USP39: variants seen among roughly 807,000 people sequenced by gnomAD.
USP39 encodes ubiquitin specific peptidase 39, also known as ubiquitin carboxyl-terminal hydrolase 39.
A neutral mutation model predicts 66.4 loss-of-function variants in USP39; 38 were observed. That is an observed-to-expected ratio of 0.57 (90% confidence interval 0.44 to 0.75). The LOEUF (loss-of-function observed/expected upper bound fraction) is 0.75, where lower values mean the gene tolerates loss of function less well. Ranked by LOEUF, USP39 falls within the 30% of genes least tolerant of loss-of-function variation. The pLI, the probability that USP39 is intolerant of heterozygous loss-of-function variation, is 0.00. For missense variants in USP39, 608 were observed against 714.4 expected (o/e 0.85, Z 1.70); for synonymous variants, 303 against 274.6 (o/e 1.10, Z -1.02).
intron 3 of USP39, among the ~76,000 whole-genome samples, chr2:85,622,970 T>C (rs1674575635): frequency 6.6e-6 from 1 of 152,158 alleles, no homozygotes; most frequent in Admixed American, 6.5e-5. Context: ...TTCTGTTAGA[T>C]CATAAAGATT....
intron 5 of USP39, among the ~76,000 whole-genome samples, chr2:85,627,442 C>G (rs139407032): frequency 1.3e-5 from 2 of 151,648 alleles, no homozygotes; most frequent in Non-Finnish European, 2.9e-5. Flanking sequence ...AATCCTACTT[C>G]ACCAAGAAAA....
chr2:85,624,713 C>G (rs1674714972), intron 4 of USP39, among the ~76,000 whole-genome samples: 1 of 152,098 alleles, frequency 6.6e-6, no homozygotes. Context: ...CCTGTAATCC[C>G]AGCACTTTGG....
At chr2:85,616,137 T>C, upstream of USP39, 1 of 1,402,904 alleles carries the variant, frequency 7.1e-7, no homozygotes, top group Non-Finnish European at 9.3e-7. Context: ...TGATTGGCCT[T>C]GTGCCGCGCG....
upstream of USP39, chr2:85,611,757 G>T (rs749255195): frequency 7.4e-6 from 12 of 1,611,796 alleles, no homozygotes; most frequent in Non-Finnish European, 9.3e-6. Context: ...CTCCTTGGCC[G>T]CCTGCTTCAC....
intron 6 of USP39, among the ~76,000 whole-genome samples, chr2:85,633,258 C>G (rs960510550): frequency 3.3e-5 from 5 of 151,984 alleles, no homozygotes; most frequent in Non-Finnish European, 5.9e-5. Flanking sequence ...GTAGCTGGGA[C>G]TACAGGCACC....
Position 85,630,672 on chromosome 2 carries a change from AG to A in USP39, c.724-45del, listed in dbSNP as rs768823207. ...ACTTTAATTGGAAGAGCTTGGCTCA[AG>A]GGGTCCTACAAAGGGGCTTTGGGTT... is the stretch of plus-strand genomic sequence containing the variant. On this transcript the variant is annotated intron_variant, in intron 5 of 12. Coordinates refer to ENST00000323701, the MANE Select transcript of USP39 (RefSeq NM_006590.4). 4 of 1,560,608 alleles carry A rather than the reference AG, an allele frequency of 2.6e-6. No individual in the cohort carries two copies. The South Asian group carries it at 4.5e-5, about 18-fold the overall frequency.
At chr2:85,613,427 G>T (rs773184324), upstream of USP39, among the ~76,000 whole-genome samples, 1 of 152,152 alleles carries the variant, frequency 6.6e-6, no homozygotes, top group South Asian at 2.1e-4. Context: ...CAGGAGAATC[G>T]CTTGAACCCG....
At chr2:85,611,343 G>A (rs886913913), upstream of USP39, 2 of 1,439,208 alleles carry the variant, frequency 1.4e-6, no homozygotes, top group South Asian at 1.5e-5. Flanking sequence ...ATTATGTGCT[G>A]GTCGCTCATC....
chr2:85,634,656 G>C (rs1458319031), intron 6 of USP39, among the ~76,000 whole-genome samples: 1 of 152,220 alleles, frequency 6.6e-6, no homozygotes. Context: ...TAATTCCCAA[G>C]AACTAGGTGG....
intron 3 of USP39, among the ~76,000 whole-genome samples, chr2:85,622,328 G>C (rs979722522): frequency 6.6e-6 from 1 of 151,378 alleles, no homozygotes; most frequent in Non-Finnish European, 1.5e-5. Context: ...TCACCATATT[G>C]GCCACACTGG....
chr2:85,611,790 C>CG (rs1673550644), upstream of USP39: 1 of 1,610,980 alleles, frequency 6.2e-7, no homozygotes, highest in African/African-American at 1.3e-5. Context: ...GTCGTCCCTG[C>CG]GGGGAGCCGA....
At chr2:85,610,714 T>A (rs1315320613), upstream of USP39, 1 of 150,534 alleles carries the variant, frequency 6.6e-6, no homozygotes, top group Non-Finnish European at 1.5e-5. Context: ...AGCTCAGGAG[T>A]TCGAGATCAG....
At chr2:85,636,028 T>C in intron 6 of USP39, 25 bp from the exon 7 acceptor site, 3 of 1,612,218 alleles carry the variant, frequency 1.9e-6, no homozygotes, top group Non-Finnish European at 2.5e-6. Flanking sequence ...AGCTTCAACG[T>C]TTTCCACCCT....
chr2:85,637,375 T>C lies in USP39; in HGVS notation c.1034T>C (p.Val345Ala). ...TTGCTTCCTGTTTGTGCAGCTATTG[T>C]GACTGATGTTTTCCAGGGGTCCATG... Reference protein sequence around the residue: ...GGTKKKKKTIVTDVFQGSMRI... With the variant: ...GGTKKKKKTIATDVFQGSMRI... Residue 345 changes from valine to alanine, a missense_variant, in exon 8 of 13, where the codon GTG (valine) becomes GCG (alanine). This residue lies in a region of USP39 where 72 missense variants were observed against 60.1 expected (regional missense o/e 1.20). Coordinates refer to ENST00000323701, the MANE Select transcript of USP39 (RefSeq NM_006590.4). The C allele has an allele frequency of 6.2e-7, 1 of 1,614,228 alleles. No homozygotes were observed. The highest frequency in any genetic ancestry group is 1.1e-5 in the South Asian group (1 of 91,090).
chr2:85,642,161 G>C (rs1341482039), intron 10 of USP39, among the ~76,000 whole-genome samples: 4 of 152,222 alleles, frequency 2.6e-5, no homozygotes, highest in South Asian at 2.1e-4. Context: ...GTATTGCCAG[G>C]ACTCTTAGAA....
In USP39 at chr2:85,604,210, GGA is replaced by G. The variant is rs1260811377; in HGVS notation, n.226+1133_226+1134del. Among the ~76,000 whole-genome samples the G allele has an allele frequency of 3.3e-5, 5 of 152,242 alleles. No homozygotes were observed. The East Asian group carries it at 9.7e-4, about 29-fold the overall frequency. On this transcript the variant is annotated intron_variant and non_coding_transcript_variant, in intron 1 of 12. Coordinates refer to the USP39 transcript ENST00000459775. The stretch of plus-strand genomic sequence containing the variant: ...CAGAAATGGAAGCAGAAAACCTGTT[GGA>G]GAGCCCTTTTTCTTTTGAGACAGAG...
chr2:85,624,404 G>A (rs1674693826), intron 4 of USP39, among the ~76,000 whole-genome samples: 1 of 151,798 alleles, frequency 6.6e-6, no homozygotes, highest in African/African-American at 2.4e-5. Flanking sequence ...GGAGTGCAGT[G>A]GTGCCATCAC....
chr2:85,638,691 C>G (rs1268340646), intron 8 of USP39, among the ~76,000 whole-genome samples: 1 of 151,970 alleles, frequency 6.6e-6, no homozygotes, highest in African/African-American at 2.4e-5. Flanking sequence ...GGCGCCACCA[C>G]CACGCCCGGC....
At chr2:85,614,811 C>T (rs1673801329), upstream of USP39, among the ~76,000 whole-genome samples, 1 of 152,204 alleles carries the variant, frequency 6.6e-6, no homozygotes, top group Non-Finnish European at 1.5e-5. Context: ...AACATTATCT[C>T]TCTGTTCCCT....
Sources: gnomAD v4.1 joint callset for allele counts (sites outside exome capture counted in the v4.1 genomes callset) on GRCh38, gnomAD v4.1.1 for gene constraint, gnomAD v4.1.1 regional missense constraint, MANE v1.5 for transcripts, NCBI Gene and HGNC (gene_info 2026-07-23, HGNC 2026-07-21) for gene names.